Variants in MAGI1 observed in about 807,000 individuals in gnomAD.
The protein encoded by MAGI1 is membrane associated guanylate kinase, WW and PDZ domain containing 1, also known as membrane-associated guanylate kinase, WW and PDZ domain-containing protein 1.
MAGI1 carries 58 observed loss-of-function variants against 139.9 expected under a neutral mutation model. The ratio of observed to expected loss-of-function variants is 0.41; its 90% CI spans 0.34 to 0.52. MAGI1 has a LOEUF of 0.52. Ranked by LOEUF, MAGI1 falls within the 20% of genes least tolerant of loss-of-function variation. The pLI is 0.12. For synonymous variants in MAGI1, 812 were observed against 737.9 expected (o/e 1.10, Z -1.63); for missense variants, 1,874 against 1,901.6 (o/e 0.99, Z 0.27).
At chr3:65,652,487 T>A (rs888106145) in intron 1 of MAGI1, among the ~76,000 whole-genome samples, 5 of 152,158 alleles carry the variant, frequency 3.3e-5, no homozygotes, top group African/African-American at 1.2e-4. Context: ...ATGCCAGTAC[T>A]TATTCCCTAC....
chr3:65,974,391 GTGGATGGGTGGATGGGTGGA>G (rs1364692748), intron 1 of MAGI1, among the ~76,000 whole-genome samples: 3 of 134,602 alleles, frequency 2.2e-5, no homozygotes, highest in Non-Finnish European at 4.7e-5. Flanking sequence ...GGGTGGCTGG[GTGGATGGGTGGATGGGTGGA>G]TGGATGGATG....
At chr3:65,604,301 G>C (rs1012261885) in intron 2 of MAGI1, among the ~76,000 whole-genome samples, 1 of 152,058 alleles carries the variant, frequency 6.6e-6, no homozygotes, top group African/African-American at 2.4e-5. Context: ...AGCTATGTTG[G>C]ATTCTACAGC....
rs1047497319 is a variant in MAGI1, at chr3:65,687,789, G to A, written c.314-65701C>T. On this transcript the variant is annotated intron_variant, in intron 1 of 22. Coordinates refer to ENST00000402939, the MANE Select transcript of MAGI1 (RefSeq NM_001033057.2). Reference sequence around the variant, plus strand: ...CCATGCCTACCATGCTGACGAAACTGGCTTGGAAATCAGTTCTTCTGATGC... The same window carrying A: ...CCATGCCTACCATGCTGACGAAACTAGCTTGGAAATCAGTTCTTCTGATGC... The A allele has an allele frequency of 5.2e-6, 3 of 575,482 alleles. No individual in the cohort carries two copies. In the African/African-American group the frequency reaches 5.6e-5, roughly 11 times the overall value. 35.6% of individuals were successfully genotyped at this position (575,482 alleles called of 1,614,324 possible).
chr3:66,027,173 C>A (rs982048354), intron 1 of MAGI1, among the ~76,000 whole-genome samples: 3 of 151,812 alleles, frequency 2.0e-5, no homozygotes, highest in Non-Finnish European at 4.4e-5. Context: ...GAGGCTGAGG[C>A]AGGAGAATGG....
At position 65,914,385 on chromosome 3, in the gene MAGI1, C is replaced by T. The variant is rs931772263; in HGVS notation, c.313+123611G>A. On this transcript the variant is annotated intron_variant, in intron 1 of 22. Transcript: ENST00000402939. ...TGAACACATTCAAACTGGGGTACTT[C>T]CTGGTTTCATCACAAATTCAAATGC... 1.5e-4 allele frequency among the ~76,000 whole-genome samples: 23 copies of T among 152,284 alleles called. 1 individual carries two copies. The highest frequency in any genetic ancestry group is 4.8e-4 in the African/African-American group (20 of 41,552).
At chr3:65,704,076 G>A (rs2089795771) in intron 1 of MAGI1, among the ~76,000 whole-genome samples, 1 of 152,164 alleles carries the variant, frequency 6.6e-6, no homozygotes, top group African/African-American at 2.4e-5. Context: ...GGGATGAGAA[G>A]AGGGGAAAGA....
In MAGI1 at chr3:65,356,816, G is replaced by A; in HGVS notation, c.3951C>T (p.Gly1317=). ...GCTTCTCTGGGGACCGCCTCTTGGG[G>A]CCGTTGGCGGCTGCCGCGCGCTCGG... is the stretch of plus-strand genomic sequence containing the variant. The part of the protein sequence containing the change: ...AQAERAAAAN[G]PKRRSPEKRR... The change falls in exon 23 of 23, where the codon GGC becomes GGT. Residue 1317 remains glycine (G), a synonymous_variant. Coordinates refer to ENST00000402939, the MANE Select transcript of MAGI1 (RefSeq NM_001033057.2). 4.3e-6 allele frequency: 7 copies of A among 1,611,936 alleles called. No homozygotes were observed. Among genetic ancestry groups the A allele is most frequent in the Non-Finnish European group, 5.9e-6 (7 of 1,178,630 alleles).
At chr3:65,877,334 C>T (rs891782133) in intron 1 of MAGI1, among the ~76,000 whole-genome samples, 1 of 152,238 alleles carries the variant, frequency 6.6e-6, no homozygotes, top group African/African-American at 2.4e-5. Context: ...AAACACGAAA[C>T]TGGGATGAGT....
intron 3 of MAGI1, among the ~76,000 whole-genome samples, chr3:65,480,039 A>T (rs1951160983): frequency 6.6e-6 from 1 of 152,172 alleles, no homozygotes; most frequent in Admixed American, 6.5e-5. Flanking sequence ...TTCTATGCTT[A>T]GTAAAACAGA....
intron 12 of MAGI1, among the ~76,000 whole-genome samples, chr3:65,428,925 G>A (rs73129686): frequency 1.9e-4 from 29 of 152,060 alleles, no homozygotes; most frequent in Non-Finnish European, 3.8e-4. Flanking sequence ...CAGGCAGAAC[G>A]GACAGTAAAT....
At chr3:65,975,540 G>A (rs1344496459) in intron 1 of MAGI1, among the ~76,000 whole-genome samples, 2 of 152,092 alleles carry the variant, frequency 1.3e-5, no homozygotes, top group East Asian at 3.9e-4. Flanking sequence ...CGGATCGTTC[G>A]AGCCTAGGAG....
chr3:65,724,277 T>C (rs1002880823), intron 1 of MAGI1, among the ~76,000 whole-genome samples: 3 of 152,242 alleles, frequency 2.0e-5, no homozygotes, highest in Non-Finnish European at 4.4e-5. Flanking sequence ...ACACTAAAGA[T>C]GTCTGATTCT....
intron 2 of MAGI1, among the ~76,000 whole-genome samples, chr3:65,502,126 G>C (rs1347436426): frequency 6.6e-6 from 1 of 152,178 alleles, no homozygotes; most frequent in Non-Finnish European, 1.5e-5. Flanking sequence ...AAAACCCATA[G>C]CGCACACCAC....
At chr3:65,686,801 TTA>T (rs2107539468) in intron 1 of MAGI1, among the ~76,000 whole-genome samples, 1 of 152,360 alleles carries the variant, frequency 6.6e-6, no homozygotes, top group Admixed American at 6.5e-5. Context: ...AGTATGTTTT[TTA>T]TAGTTTTAAT....
chr3:65,572,737 G>GTA (rs2081014334), intron 2 of MAGI1, among the ~76,000 whole-genome samples: 1 of 151,798 alleles, frequency 6.6e-6, no homozygotes, highest in Non-Finnish European at 1.5e-5. Flanking sequence ...TGTCCCATAA[G>GTA]TATTATTATG....
intron 2 of MAGI1, among the ~76,000 whole-genome samples, chr3:65,520,644 A>G (rs933019200): frequency 5.3e-5 from 8 of 152,204 alleles, no homozygotes; most frequent in African/African-American, 1.9e-4. Flanking sequence ...ATCATTCAAC[A>G]TTCTCAAAAA....
At chr3:66,032,385 GTT>G (rs386396910) in intron 1 of MAGI1, among the ~76,000 whole-genome samples, 1 of 134,208 alleles carries the variant, frequency 7.5e-6, no homozygotes, top group African/African-American at 2.8e-5. Flanking sequence ...TAATTTTTTT[GTT>G]TTTTTTTTTT....
chr3:65,375,974 T>C (rs1559506629), intron 17 of MAGI1, 29 bp from the exon 18 acceptor site: 1 of 1,558,196 alleles, frequency 6.4e-7, no homozygotes. Context: ...TTAATTTTTT[T>C]AAAGTTACGT....
chr3:66,032,267 A>G (rs547195214), intron 1 of MAGI1, among the ~76,000 whole-genome samples: 3 of 152,104 alleles, frequency 2.0e-5, no homozygotes, highest in African/African-American at 7.2e-5. Flanking sequence ...GCTGGAGTGC[A>G]GTGGCGCGAT....
Sources: allele counts gnomAD v4.1 joint callset (sites outside exome capture counted in the v4.1 genomes callset), GRCh38; gene constraint gnomAD v4.1.1; transcripts MANE v1.5; gene names NCBI Gene and HGNC (gene_info 2026-07-23, HGNC 2026-07-21).